LPAR1: variants seen among roughly 807,000 people sequenced by gnomAD.
LPAR1 encodes the protein lysophosphatidic acid receptor 1.
LPAR1 carries 5 observed loss-of-function variants against 23.8 expected under a neutral mutation model. The ratio of observed to expected loss-of-function variants is 0.21; its 90% CI spans 0.11 to 0.44. The LOEUF is 0.44. LPAR1 is among the 20% of genes least tolerant of loss of function. LPAR1 has a pLI of 0.99. For missense variants in LPAR1, 311 were observed against 482.8 expected (o/e 0.64, Z 3.33); for synonymous variants, 160 against 164.7 (o/e 0.97, Z 0.22).
intron 5 of LPAR1, among the ~76,000 whole-genome samples, chr9:110,917,914 T>C (rs1405083120): frequency 1.3e-5 from 2 of 152,116 alleles, no homozygotes; most frequent in Non-Finnish European, 2.9e-5. Context: ...CTTAAATACT[T>C]TGTTTTGAGA....
At chr9:110,889,473 C>T (rs1378307358) in intron 5 of LPAR1, among the ~76,000 whole-genome samples, 1 of 152,120 alleles carries the variant, frequency 6.6e-6, no homozygotes, top group Non-Finnish European at 1.5e-5. Flanking sequence ...CACATGCCCT[C>T]CCACACTCAC....
chr9:110,987,455 CT>C (rs1740289824), intron 2 of LPAR1, among the ~76,000 whole-genome samples: 1 of 151,384 alleles, frequency 6.6e-6, no homozygotes. Context: ...TGGCCCCCTA[CT>C]CACGAAATTA....
At position 110,894,841 on chromosome 9, in the gene LPAR1, C is replaced by T. The variant is rs149582384; in HGVS notation, c.794-19119G>A. ...CACCAGCCTGGGCAACGAGCTGAAA[C>T]CCTACCTCCAGAAAAAGTAAAAAAA... On this transcript the variant is annotated intron_variant, in intron 5 of 5. Coordinates refer to ENST00000683809, the MANE Select transcript of LPAR1 (RefSeq NM_001351411.2). Among the ~76,000 whole-genome samples, 277 of 147,514 alleles carry T rather than the reference C, an allele frequency of 1.9e-3. 2 individuals are homozygous for T. The highest frequency in any genetic ancestry group is 6.8e-3 in the African/African-American group (259 of 37,824).
In LPAR1 at chr9:110,972,102, T is replaced by G; in HGVS notation, c.16A>C (p.Thr6Pro). The G allele has an allele frequency of 6.2e-7, 1 of 1,613,916 alleles. No homozygotes were observed. Among genetic ancestry groups the G allele is most frequent in the Non-Finnish European group, 8.5e-7 (1 of 1,179,874 alleles). The stretch of plus-strand genomic sequence containing the variant: ...GGCTGTGAAATTACAGGGATGGAAG[T>G]AGAGATGGCAGCCATGACAGCTCTG... MAAIS[T>P]SIPVISQPQF... The change falls in exon 4 of 6, where the codon ACT (threonine) becomes CCT (proline). Residue 6 changes from threonine to proline, a missense_variant. Thr to Pro is a conservative substitution (Grantham distance 38). Coordinates refer to ENST00000683809, the MANE Select transcript of LPAR1 (RefSeq NM_001351411.2).
chr9:110,935,528 C>T (rs62573214), intron 5 of LPAR1, among the ~76,000 whole-genome samples: 3,751 of 152,180 alleles, frequency 0.025, 79 homozygotes, highest in Non-Finnish European at 0.032. Context: ...GTGGCTCACA[C>T]CTGAAATCTC....
At chr9:110,925,276 A>G (rs112071276) in intron 5 of LPAR1, among the ~76,000 whole-genome samples, 4,703 of 150,426 alleles carry the variant, frequency 0.031, 240 homozygotes, top group African/African-American at 0.11. Flanking sequence ...AAAATAGTCC[A>G]TATATATAAA....
At chr9:110,909,240 G>C (rs990322325) in intron 5 of LPAR1, among the ~76,000 whole-genome samples, 1 of 152,204 alleles carries the variant, frequency 6.6e-6, no homozygotes. Flanking sequence ...GGCAATGCTT[G>C]GCATCTCAGT....
chr9:111,038,847 A>G, upstream of LPAR1: 1 of 303,294 alleles, frequency 3.3e-6, no homozygotes, highest in South Asian at 2.3e-5. The surrounding 1 kb of genome is among the most constrained non-coding windows in gnomAD (Gnocchi z 4.4). Flanking sequence ...CTCGGGTCCC[A>G]CCCCCGCCCC....
chr9:110,913,586 A>C (rs1401446670), intron 5 of LPAR1, among the ~76,000 whole-genome samples: 1 of 152,152 alleles, frequency 6.6e-6, no homozygotes, highest in Non-Finnish European at 1.5e-5. Flanking sequence ...TTAGCTTTAG[A>C]TATTACAAAA....
At chr9:110,935,730 AAC>A (rs1302680865) in intron 5 of LPAR1, among the ~76,000 whole-genome samples, 1 of 152,186 alleles carries the variant, frequency 6.6e-6, no homozygotes, top group East Asian at 1.9e-4. Context: ...CCAGATTCCC[AAC>A]AGTTAGTGCC....
intron 5 of LPAR1, among the ~76,000 whole-genome samples, chr9:110,938,078 C>T (rs2094844448): frequency 6.6e-6 from 1 of 152,124 alleles, no homozygotes; most frequent in South Asian, 2.1e-4. Flanking sequence ...CACATGCATT[C>T]CCTCAGCATT....
Position 111,024,117 on chromosome 9 carries a change from T to C in LPAR1, c.-182+12005A>G, listed in dbSNP as rs1023047747. On this transcript the variant is annotated intron_variant, in intron 2 of 5. Coordinates refer to ENST00000683809, the MANE Select transcript of LPAR1 (RefSeq NM_001351411.2). Reference sequence around the variant, plus strand: ...GCATGTTCTTGGACCATATGCACAATGCATACCACACCTTTTGAACTTCAA... The same window carrying C: ...GCATGTTCTTGGACCATATGCACAACGCATACCACACCTTTTGAACTTCAA... Among the ~76,000 whole-genome samples, 22 of 152,164 alleles carry C rather than the reference T, an allele frequency of 1.4e-4. 1 individual carries two copies. In the South Asian group the frequency reaches 4.6e-3, roughly 32 times the overall value.
intron 5 of LPAR1, among the ~76,000 whole-genome samples, chr9:110,902,075 G>A (rs1267031869): frequency 1.3e-5 from 2 of 151,924 alleles, no homozygotes; most frequent in Non-Finnish European, 2.9e-5. Flanking sequence ...ACAACCAGAG[G>A]AATGTCACAG....
intron 2 of LPAR1, among the ~76,000 whole-genome samples, chr9:111,029,928 G>A (rs926016566): frequency 1.3e-5 from 2 of 151,280 alleles, no homozygotes; most frequent in Admixed American, 6.6e-5. Context: ...GGTGGTGCAC[G>A]CCTGTGGTCC....
rs1268147674 is a variant in LPAR1, at chr9:110,941,563, G to A, written c.651C>T (p.Thr217=). The change falls in exon 5 of 6, where the codon ACC becomes ACT. Residue 217 remains threonine (T), a synonymous_variant. Coordinates refer to ENST00000683809, the MANE Select transcript of LPAR1 (RefSeq NM_001351411.2). This position sits in a 1 kb window ranked among gnomAD's most constrained non-coding sequence, Gnocchi z 6.1. ...LVFWAIFNLV[T]FVVMVVLYAH... ...CATAGAGAACCACCATTACCACAAAGGTCACCAAGTTGAAAATGGCCCAGA... is the reference window on the plus strand; with the variant it reads ...CATAGAGAACCACCATTACCACAAAAGTCACCAAGTTGAAAATGGCCCAGA... 1 of 1,614,086 alleles carries A rather than the reference G, an allele frequency of 6.2e-7. No homozygotes were observed. Among genetic ancestry groups the A allele is most frequent in the East Asian group, 2.2e-5 (1 of 44,884 alleles).
At chr9:110,981,642 A>G (rs570160872) in intron 2 of LPAR1, among the ~76,000 whole-genome samples, 72 of 152,258 alleles carry the variant, frequency 4.7e-4, no homozygotes, top group African/African-American at 1.7e-3. Context: ...TACAAAAGAC[A>G]GAAGTGCCAC....
At chr9:111,038,576 T>G, upstream of LPAR1, 1 of 450,986 alleles carries the variant, frequency 2.2e-6, no homozygotes, top group Admixed American at 2.4e-5. The surrounding 1 kb of genome is among the most constrained non-coding windows in gnomAD (Gnocchi z 4.4). Context: ...CTTTTCTGCT[T>G]GTTCCACGTA....
At chr9:110,981,411 A>T (rs1349692125) in intron 2 of LPAR1, among the ~76,000 whole-genome samples, 1 of 152,050 alleles carries the variant, frequency 6.6e-6, no homozygotes. Flanking sequence ...GCTGCCACAT[A>T]TGACTATAAG....
intron 2 of LPAR1, among the ~76,000 whole-genome samples, chr9:110,977,908 G>A (rs1277352822): frequency 6.8e-6 from 1 of 147,640 alleles, no homozygotes; most frequent in Non-Finnish European, 1.5e-5. Flanking sequence ...AGGAAGGAAG[G>A]AAAGAAGGAA....
Sources: gnomAD v4.1 joint callset for allele counts (sites outside exome capture counted in the v4.1 genomes callset) on GRCh38, gnomAD v4.1.1 for gene constraint, Gnocchi (gnomAD v3.1) non-coding constraint, MANE v1.5 for transcripts, NCBI Gene and HGNC (gene_info 2026-07-23, HGNC 2026-07-21) for gene names.